Variants in MYLK observed in about 807,000 individuals in gnomAD.
MYLK encodes myosin light chain kinase, also known as myosin light chain kinase, smooth muscle.
A neutral mutation model predicts 203.4 loss-of-function variants in MYLK; 106 were observed. The ratio of observed to expected loss-of-function variants is 0.52; its 90% CI spans 0.45 to 0.61. The LOEUF (loss-of-function observed/expected upper bound fraction) is 0.61. Ranked by LOEUF, MYLK falls within the 20% of genes least tolerant of loss-of-function variation. The pLI, the probability that MYLK is intolerant of heterozygous loss-of-function variation, is 0.00. For missense variants in MYLK, 2,072 were observed against 2,442.3 expected, an observed-to-expected ratio of 0.85 and a Z score of 3.20; for synonymous variants, 867 against 959.5, an observed-to-expected ratio of 0.90 and a Z score of 1.78.
intron 1 of MYLK, among the ~76,000 whole-genome samples, chr3:123,879,787 T>C (rs999589661): frequency 6.6e-6 from 1 of 151,938 alleles, no homozygotes; most frequent in African/African-American, 2.4e-5. Context: ...GCCGAGTAGC[T>C]GGGACTACAG....
chr3:123,618,860 G>C (rs1233451564), intron 32 of MYLK, 90 bp from the exon 33 acceptor site: 3 of 1,556,682 alleles, frequency 1.9e-6, no homozygotes, highest in Admixed American at 1.7e-5. Context: ...TAAAAAAGTT[G>C]CTATGATTTA....
chr3:123,716,472 A>G lies in MYLK; in HGVS notation c.1804+5656T>C, dbSNP rs150185772. The G allele has an allele frequency of 1.8e-4, 27 of 152,294 alleles. No homozygotes were observed. The East Asian group carries it at 5.0e-3, about 28-fold the overall frequency. The allele number at this position is 152,294 out of a possible 1,614,324, so 9.4% of individuals were successfully genotyped here. On this transcript the variant is annotated intron_variant, in intron 13 of 33. Transcript: ENST00000360304. ...CAAATGGGAAGAGAAGTGTGCGAGG[A>G]AAAGAATGAAAGGAACAATGACGTA...
At chr3:123,848,672 C>T (rs1317810958) in intron 2 of MYLK, among the ~76,000 whole-genome samples, 3 of 152,112 alleles carry the variant, frequency 2.0e-5, no homozygotes, top group East Asian at 3.9e-4. Flanking sequence ...TTTTTCAAAA[C>T]CTGTCCTTTC....
chr3:123,623,527 T>A (rs2057984108), intron 31 of MYLK: 1 of 152,230 alleles, frequency 6.6e-6, no homozygotes, highest in Non-Finnish European at 1.5e-5. Context: ...GCTTTGCTTG[T>A]AGGGATTTGT....
rs1240784181 is a variant in MYLK at position 123,700,117 on chromosome 3, G to T, written c.3351C>A (p.Leu1117=). The change falls in exon 18 of 34, where the codon CTC becomes CTA. Residue 1117 remains leucine, a synonymous_variant. Coordinates refer to ENST00000360304, the MANE Select transcript of MYLK (RefSeq NM_053025.4). ...GGGGGTCAGAAGACACCTGGCACTG[G>T]AGCAGCAGCTTCTTGCCCTCTGCCA... is the stretch of plus-strand genomic sequence containing the variant. ...VHVAEGKKLL[L]QCQVSSDPPA... is the part of the protein sequence containing the mutation. 5 of 1,613,782 alleles carry T rather than the reference G, an allele frequency of 3.1e-6. No individual in the cohort carries two copies. Among genetic ancestry groups the T allele is most frequent in the East Asian group, 2.2e-5 (1 of 44,856 alleles).
chr3:123,831,262 C>T, intron 3 of MYLK: 1 of 746,524 alleles, frequency 1.3e-6, no homozygotes, highest in Non-Finnish European at 1.9e-6. Context: ...GCAGCCAGGG[C>T]AACCCGCAGG....
chr3:123,883,818 C>T (rs1445319747), intron 1 of MYLK, among the ~76,000 whole-genome samples: 1 of 152,130 alleles, frequency 6.6e-6, no homozygotes, highest in Non-Finnish European at 1.5e-5. Context: ...CCCGGAATCA[C>T]ATTTGGGCTG....
At chr3:123,775,608 T>C (rs1576931547) in intron 4 of MYLK, among the ~76,000 whole-genome samples, 1 of 152,038 alleles carries the variant, frequency 6.6e-6, no homozygotes. Flanking sequence ...TGAAGACAAA[T>C]TGACAAATAT....
intron 4 of MYLK, among the ~76,000 whole-genome samples, chr3:123,785,890 T>G (rs1018931642): frequency 2.6e-5 from 4 of 152,234 alleles, no homozygotes; most frequent in Admixed American, 2.0e-4. Context: ...AGTAGCCACA[T>G]GTGACTAGTG....
chr3:123,776,685 C>T (rs750510903), intron 4 of MYLK, among the ~76,000 whole-genome samples: 5 of 152,182 alleles, frequency 3.3e-5, no homozygotes, highest in Non-Finnish European at 7.3e-5. Flanking sequence ...TTAGTTATGA[C>T]TAAAAGTTAC....
chr3:123,640,514 C>T lies in MYLK; in HGVS notation c.4620-10G>A. 6.2e-7 allele frequency: 1 copy of T among 1,613,682 alleles called. No individual in the cohort carries two copies. The highest frequency in any genetic ancestry group is 8.5e-7 in the Non-Finnish European group (1 of 1,180,022). On this transcript the variant is annotated splice_polypyrimidine_tract_variant and intron_variant, in intron 27 of 33. Transcript: ENST00000360304. The surrounding 1 kb of genome is among the most constrained non-coding windows in gnomAD (Gnocchi z 4.3). ...CTCCCCTCCTGACACGCTGCGGGAACACGTGCACGGGGTGGTCAGGCCACA... is the reference window on the plus strand; with the variant it reads ...CTCCCCTCCTGACACGCTGCGGGAATACGTGCACGGGGTGGTCAGGCCACA...
chr3:123,647,629 C>T (rs150855409), intron 26 of MYLK, among the ~76,000 whole-genome samples: 3,677 of 152,278 alleles, frequency 0.024, 73 homozygotes, highest in South Asian at 0.062. Flanking sequence ...AAAGGCATAT[C>T]GCCCATAAAA....
intron 33 of MYLK, 100 bp from the exon 34 acceptor site, chr3:123,614,449 G>A (rs961489131): frequency 7.6e-6 from 11 of 1,453,392 alleles, no homozygotes; most frequent in East Asian, 7.1e-5. Flanking sequence ...TGATTAAGGT[G>A]GTTAAGGAGA....
chr3:123,787,661 T>C (rs1328097305), intron 4 of MYLK, among the ~76,000 whole-genome samples: 2 of 152,266 alleles, frequency 1.3e-5, no homozygotes, highest in Admixed American at 6.5e-5. Context: ...CATCACTTAC[T>C]GGTGTAAATG....
intron 13 of MYLK, among the ~76,000 whole-genome samples, chr3:123,718,228 G>T (rs1482919588): frequency 2.0e-5 from 3 of 152,140 alleles, no homozygotes; most frequent in Admixed American, 6.5e-5. Flanking sequence ...TGAGCCCCCA[G>T]AAAAGCGAGG....
intron 4 of MYLK, among the ~76,000 whole-genome samples, chr3:123,778,375 T>C (rs1332554526): frequency 6.6e-6 from 1 of 151,928 alleles, no homozygotes; most frequent in African/African-American, 2.4e-5. Context: ...TAGCCGAGCG[T>C]GGTGGCAGGC....
In MYLK at chr3:123,737,470, T is replaced by C. The variant is rs1400184897; in HGVS notation, c.662A>G (p.His221Arg). The C allele has an allele frequency of 1.2e-6, 2 of 1,614,080 alleles. No individual in the cohort carries two copies. Among genetic ancestry groups the C allele is most frequent in the Non-Finnish European group, 1.7e-6 (2 of 1,180,044 alleles). Reference sequence around the variant, plus strand: ...TCCCACGTCATCTTGGTTGACTCCATGGATTTCCAGAACCTGCATGCCGTT... The same window carrying C: ...TCCCACGTCATCTTGGTTGACTCCACGGATTTCCAGAACCTGCATGCCGTT... Reference protein sequence around the residue: ...EKNGMQVLEIHGVNQDDVGVY... With the variant: ...EKNGMQVLEIRGVNQDDVGVY... The change falls in exon 8 of 34, where the codon CAT becomes CGT. Residue 221 changes from histidine to arginine, a missense_variant. Physicochemically the swap from His to Arg is conservative, Grantham distance 29. Around this residue, in one of 3 missense-constraint regions of MYLK, gnomAD observed 683 missense variants for 643.8 expected, o/e 1.06. Transcript: ENST00000360304.
At chr3:123,835,347 G>A (rs1313628135) in intron 2 of MYLK, among the ~76,000 whole-genome samples, 1 of 152,178 alleles carries the variant, frequency 6.6e-6, no homozygotes, top group Non-Finnish European at 1.5e-5. Flanking sequence ...TAGAAATCCT[G>A]CTTCATCCCT....
chr3:123,707,442 C>G (rs565071400), intron 16 of MYLK, among the ~76,000 whole-genome samples: 5 of 152,176 alleles, frequency 3.3e-5, no homozygotes, highest in African/African-American at 1.2e-4. Context: ...TCCCCCTATC[C>G]CCCTGCTTTT....
Sources: allele counts gnomAD v4.1 joint callset (sites outside exome capture counted in the v4.1 genomes callset), GRCh38; gene constraint gnomAD v4.1.1; regional missense constraint gnomAD v4.1.1; non-coding constraint Gnocchi (gnomAD v3.1); transcripts MANE v1.5; gene names NCBI Gene and HGNC (gene_info 2026-07-23, HGNC 2026-07-21).